Variants in HACD1 observed in about 807,000 individuals in gnomAD.
HACD1 encodes the protein 3-hydroxyacyl-CoA dehydratase 1.
In HACD1, 41 loss-of-function variants were observed where a neutral mutation model predicts 32.0. That is an observed-to-expected ratio of 1.28 (90% CI 1.00 to 1.66). The LOEUF is 1.66. HACD1 is among the 40% of genes most tolerant of loss of function. The probability of loss-of-function intolerance (pLI) is 0.00; values close to 1 mark genes in which losing one functional copy is unlikely to be tolerated. For synonymous variants in HACD1, 142 were observed against 139.0 expected (o/e 1.02, Z -0.15); for missense variants, 396 against 380.1 (o/e 1.04, Z -0.35).
At chr10:17,616,472 A>G (rs1833085827) in intron 1 of HACD1, among the ~76,000 whole-genome samples, 1 of 152,080 alleles carries the variant, frequency 6.6e-6, no homozygotes, top group Non-Finnish European at 1.5e-5. Context: ...AGCGACAGTC[A>G]TTGTGTAACC....
Position 17,617,222 on chromosome 10 carries a change from T to G in HACD1, c.118A>C (p.Met40Leu). Residue 40 changes from methionine to leucine, a missense_variant, in exon 1 of 7, where the codon ATG (methionine) becomes CTG (leucine). Physicochemically the swap from Met to Leu is conservative, Grantham distance 15. Transcript: ENST00000361271. ...SPTSPRCAAT[M>L]ASSDEDGTNG... ...GTGCCGTCCTCGTCGCTGGACGCCATGGTGGCCGCGCACCTGGGGGACGTG... is the reference window on the plus strand; with the variant it reads ...GTGCCGTCCTCGTCGCTGGACGCCAGGGTGGCCGCGCACCTGGGGGACGTG... 5.4e-6 allele frequency: 8 copies of G among 1,492,450 alleles called. No homozygotes were observed. The highest frequency in any genetic ancestry group is 7.1e-6 in the Non-Finnish European group (8 of 1,126,452). The allele number at this position is 1,492,450 out of a possible 1,614,324, so 92.5% of individuals were successfully genotyped here.
intron 5 of HACD1, among the ~76,000 whole-genome samples, chr10:17,596,295 C>T (rs1379688920): frequency 2.0e-5 from 3 of 152,092 alleles, no homozygotes; most frequent in Non-Finnish European, 2.9e-5. Flanking sequence ...ACCTGTTAAT[C>T]CCTTCTTGGC....
intron 1 of HACD1, among the ~76,000 whole-genome samples, chr10:17,612,002 G>C (rs1404337564): frequency 6.7e-6 from 1 of 149,822 alleles, no homozygotes; most frequent in Non-Finnish European, 1.5e-5. Context: ...GCCAGGCATG[G>C]TAGCACTCAC....
At chr10:17,609,773 G>A (rs1554817321) in intron 1 of HACD1, among the ~76,000 whole-genome samples, 1 of 151,896 alleles carries the variant, frequency 6.6e-6, no homozygotes, top group South Asian at 2.1e-4. Context: ...TTGAGGTCAG[G>A]AGTTTGAGAC....
At chr10:17,612,375 A>T (rs965125262) in intron 1 of HACD1, among the ~76,000 whole-genome samples, 20 of 152,256 alleles carry the variant, frequency 1.3e-4, no homozygotes, top group Non-Finnish European at 2.5e-4. Flanking sequence ...AGCAGATATT[A>T]TAACAGCAAT....
intron 4 of HACD1, among the ~76,000 whole-genome samples, chr10:17,601,841 G>A (rs1170204429): frequency 1.3e-5 from 2 of 152,066 alleles, no homozygotes; most frequent in Non-Finnish European, 2.9e-5. Flanking sequence ...CTAGTCAAGA[G>A]GGATAAAGTA....
intron 1 of HACD1, among the ~76,000 whole-genome samples, chr10:17,609,886 A>G (rs1834205614): frequency 6.6e-6 from 1 of 150,508 alleles, no homozygotes; most frequent in Non-Finnish European, 1.5e-5. Context: ...CAGGAAGCTG[A>G]GGCAGGAGAA....
At position 17,609,155 on chromosome 10, in the gene HACD1, G is replaced by GTTTTTTTTTTTTTTTTTTTTTTTTTT. The variant is rs56347429; in HGVS notation, c.258-5109_258-5108insAAAAAAAAAAAAAAAAAAAAAAAAAA. Among the ~76,000 whole-genome samples, 4 of 132,118 alleles carry GTTTTTTTTTTTTTTTTTTTTTTTTTT rather than the reference G, an allele frequency of 3.0e-5. 1 individual carries two copies. Among genetic ancestry groups the GTTTTTTTTTTTTTTTTTTTTTTTTTT allele is most frequent in the African/African-American group, 1.1e-4 (4 of 34,904 alleles). 86.7% of individuals were successfully genotyped at this position (132,118 alleles called of 152,430 possible). A position where few individuals can be genotyped will look rare whatever the true frequency, so the allele number is the denominator to read the frequency against. ...ATTAAAGAAAAAAAATGTGCAAAAG[G>GTTTTTTTTTTTTTTTTTTTTTTTTTT]TTTTTTTTTTTTTTTTTGAGACAGA... is the stretch of plus-strand genomic sequence containing the variant. On this transcript the variant is annotated intron_variant, in intron 1 of 6. Coordinates refer to ENST00000361271, the MANE Select transcript of HACD1 (RefSeq NM_014241.4).
Position 17,590,196 on chromosome 10 carries a change from C to A in HACD1, c.*168G>T. On this transcript the variant is annotated 3_prime_UTR_variant, in exon 7 of 7. Coordinates refer to ENST00000361271, the MANE Select transcript of HACD1 (RefSeq NM_014241.4). Reference sequence around the variant, plus strand: ...TGCACAGTTCTTGTAAAAAATAGATCTGGCACAAGAGGAACACAAATACTG... The same window carrying A: ...TGCACAGTTCTTGTAAAAAATAGATATGGCACAAGAGGAACACAAATACTG... 2.3e-6 allele frequency: 1 copy of A among 433,502 alleles called. No homozygotes were observed. 26.9% of individuals were successfully genotyped at this position (433,502 alleles called of 1,614,324 possible). A position where few individuals can be genotyped will look rare whatever the true frequency, so the allele number is the denominator to read the frequency against.
chr10:17,611,882 G>A lies in HACD1; in HGVS notation c.257+5201C>T, dbSNP rs200198871. Among the ~76,000 whole-genome samples the A allele has an allele frequency of 3.9e-5, 6 of 151,978 alleles. No individual in the cohort carries two copies. The East Asian group carries it at 1.2e-3, about 29-fold the overall frequency. On this transcript the variant is annotated intron_variant, in intron 1 of 6. Transcript: ENST00000361271. ...CTCGGGAGGCTGAGGCAGGAGAATG[G>A]CATGAACCCGGGAGGCGGAGCTTGC... is the stretch of plus-strand genomic sequence containing the variant.
intron 5 of HACD1, chr10:17,598,973 C>A: frequency 5.1e-6 from 1 of 196,222 alleles, no homozygotes; most frequent in Non-Finnish European, 1.0e-5. Flanking sequence ...ATTTTTGGTA[C>A]TGCTTATGTA....
intron 1 of HACD1, among the ~76,000 whole-genome samples, chr10:17,607,171 G>T (rs1404078983): frequency 6.6e-6 from 1 of 152,186 alleles, no homozygotes; most frequent in Non-Finnish European, 1.5e-5. Context: ...TCTTTTAGAT[G>T]AGATAATCAT....
intron 1 of HACD1, among the ~76,000 whole-genome samples, chr10:17,606,623 T>C (rs1187217859): frequency 3.9e-5 from 6 of 152,222 alleles, no homozygotes; most frequent in Admixed American, 2.6e-4. Flanking sequence ...ATCTACTAAC[T>C]GAATCTGATG....
rs116513767 is a variant in HACD1, at chr10:17,613,754, T to C, written c.257+3329A>G. 4.3e-3 allele frequency among the ~76,000 whole-genome samples: 660 copies of C among 152,322 alleles called. 3 individuals carry two copies. Among genetic ancestry groups the C allele is most frequent in the African/African-American group, 0.014 (595 of 41,572 alleles). On this transcript the variant is annotated intron_variant, in intron 1 of 6. Transcript: ENST00000361271. ...GGACAGAATGGAGAAAGCATTTAAT[T>C]CTGCACCAGGTAAGGCAGGAGACCC...
At chr10:17,609,358 T>A (rs1315431447) in intron 1 of HACD1, among the ~76,000 whole-genome samples, 1 of 151,988 alleles carries the variant, frequency 6.6e-6, no homozygotes, top group Non-Finnish European at 1.5e-5. Flanking sequence ...TTTCACCGTG[T>A]TAGCCAGAAT....
rs1424987824 is a variant in HACD1, at chr10:17,589,065, G to A, written c.*1299C>T. ...ATTTTTTTTATTAAACACAAGGACA[G>A]GAACTTTATTACAAGACCTTTTGCT... is the stretch of plus-strand genomic sequence containing the variant. On this transcript the variant is annotated 3_prime_UTR_variant, in exon 7 of 7. Coordinates refer to ENST00000361271, the MANE Select transcript of HACD1 (RefSeq NM_014241.4). 1 of 152,066 alleles carries A rather than the reference G, an allele frequency of 6.6e-6. No individual in the cohort carries two copies. The highest frequency in any genetic ancestry group is 1.5e-5 in the Non-Finnish European group (1 of 67,990). The allele number at this position is 152,066 out of a possible 1,614,324, so 9.4% of individuals were successfully genotyped here.
At chr10:17,599,529 T>C (rs782041587) in intron 4 of HACD1, 118 bp from the exon 5 acceptor site, 5 of 1,410,024 alleles carry the variant, frequency 3.5e-6, no homozygotes, top group Admixed American at 6.0e-5. Context: ...GTTAGGCAAA[T>C]GCAATATAGA....
At chr10:17,591,951 C>A (rs75813143) in intron 6 of HACD1, among the ~76,000 whole-genome samples, 4,506 of 150,076 alleles carry the variant, frequency 0.03, 101 homozygotes, top group Middle Eastern at 0.12. Flanking sequence ...TGAGTTCAAA[C>A]CCTGCCTTAA....
At chr10:17,593,184 A>C (rs1239346194) in intron 6 of HACD1, among the ~76,000 whole-genome samples, 1 of 152,130 alleles carries the variant, frequency 6.6e-6, no homozygotes, top group Non-Finnish European at 1.5e-5. Context: ...AAAACAACAA[A>C]AAAAAGTTGG....
Sources: allele counts gnomAD v4.1 joint callset (sites outside exome capture counted in the v4.1 genomes callset), GRCh38; gene constraint gnomAD v4.1.1; transcripts MANE v1.5; gene names NCBI Gene and HGNC (gene_info 2026-07-23, HGNC 2026-07-21).